The following CCDC171 variants were observed in gnomAD, a reference collection of about 807,000 sequenced individuals.
The protein encoded by CCDC171 is coiled-coil domain containing 171.
In CCDC171, 177 loss-of-function variants were observed where a neutral mutation model predicts 168.2. The ratio of observed to expected loss-of-function variants is 1.05; its 90% CI spans 0.93 to 1.19. The LOEUF (loss-of-function observed/expected upper bound fraction) is 1.19, where lower values mean the gene tolerates loss of function less well. CCDC171 is among the 50% of genes most tolerant of loss of function. The pLI is 0.00. For synonymous variants in CCDC171, 687 were observed against 540.8 expected (o/e 1.27, Z -3.75); for missense variants, 1,991 against 1,539.0 (o/e 1.29, Z -4.91).
At chr9:15,605,027 C>G (rs917977872) in intron 6 of CCDC171, among the ~76,000 whole-genome samples, 3 of 152,092 alleles carry the variant, frequency 2.0e-5, no homozygotes, top group African/African-American at 7.2e-5. Context: ...TCCTTTGTAT[C>G]TGGGACCATA....
intron 25 of CCDC171, among the ~76,000 whole-genome samples, chr9:15,930,750 C>A (rs1826411767): frequency 6.6e-6 from 1 of 151,612 alleles, no homozygotes; most frequent in Non-Finnish European, 1.5e-5. Flanking sequence ...ACACTATATA[C>A]AGAAATTAAC....
intron 18 of CCDC171, among the ~76,000 whole-genome samples, chr9:15,755,348 C>T (rs2056035064): frequency 6.6e-6 from 1 of 152,140 alleles, no homozygotes; most frequent in Non-Finnish European, 1.5e-5. Flanking sequence ...GATACAGATG[C>T]TTTGGAAAAG....
chr9:15,649,779 G>C (rs1445126553), intron 7 of CCDC171, among the ~76,000 whole-genome samples: 1 of 152,196 alleles, frequency 6.6e-6, no homozygotes, highest in African/African-American at 2.4e-5. Context: ...GGAGAAATAG[G>C]AGCATTTTTA....
At chr9:16,048,767 A>G (rs1833702171) in intron 1 of CCDC171, among the ~76,000 whole-genome samples, 1 of 152,116 alleles carries the variant, frequency 6.6e-6, no homozygotes, top group South Asian at 2.1e-4. Flanking sequence ...GGATAATATC[A>G]TAGTAGCATC....
chr9:16,075,181 A>T, the CCDC171 span, among the ~76,000 whole-genome samples: 1 of 152,126 alleles, frequency 6.6e-6, no homozygotes, highest in African/African-American at 2.4e-5. Flanking sequence ...GTTTCCTGTA[A>T]TACTTCCTCT....
At chr9:15,809,570 C>G (rs2059238603) in intron 21 of CCDC171, among the ~76,000 whole-genome samples, 1 of 152,090 alleles carries the variant, frequency 6.6e-6, no homozygotes, top group Non-Finnish European at 1.5e-5. Flanking sequence ...GAGCTGCAGA[C>G]TTTCGCGGTG....
chr9:15,925,413 C>T (rs577351923), intron 25 of CCDC171, among the ~76,000 whole-genome samples: 7 of 151,358 alleles, frequency 4.6e-5, no homozygotes, highest in South Asian at 4.1e-4. Context: ...GTGTGGCTGG[C>T]GGAAGAAAGC....
At position 15,591,424 on chromosome 9, in the gene CCDC171, T is replaced by C. The variant is rs773588638; in HGVS notation, c.411T>C (p.Ser137=). ...TNETEKAFQT[S]QQKWKEECRR... Reference sequence around the variant, plus strand: ...AGACTGAGAAAGCATTTCAGACTTCTCAGCAAAAATGGAAAGAAGAATGCA... The same window carrying C: ...AGACTGAGAAAGCATTTCAGACTTCCCAGCAAAAATGGAAAGAAGAATGCA... The change falls in exon 5 of 26, where the codon TCT becomes TCC. Residue 137 remains serine (S), a synonymous_variant. Coordinates refer to ENST00000380701, the MANE Select transcript of CCDC171 (RefSeq NM_173550.4). 4 of 1,609,308 alleles carry C rather than the reference T, an allele frequency of 2.5e-6. No individual in the cohort carries two copies. The South Asian group carries it at 4.5e-5, about 18-fold the overall frequency.
At chr9:16,040,853 C>G (rs184255690), upstream of CCDC171, among the ~76,000 whole-genome samples, 1 of 152,212 alleles carries the variant, frequency 6.6e-6, no homozygotes, top group East Asian at 1.9e-4. Context: ...TGCATAGTTT[C>G]TGTTGAGACT....
intron 21 of CCDC171, among the ~76,000 whole-genome samples, chr9:15,804,238 G>C (rs1408412507): frequency 3.9e-5 from 6 of 152,008 alleles, no homozygotes; most frequent in Non-Finnish European, 1.5e-5. Flanking sequence ...TGTCTTGCCT[G>C]ATTGCCCTGG....
intron 25 of CCDC171, among the ~76,000 whole-genome samples, chr9:15,963,862 T>C (rs761850761): frequency 1.3e-5 from 2 of 152,176 alleles, no homozygotes; most frequent in Non-Finnish European, 2.9e-5. Flanking sequence ...ACAAGCTACA[T>C]TTCTCAGACC....
rs367557624 is a variant in CCDC171 at position 15,758,221 on chromosome 9, CAG to C, written c.2671+12591_2671+12592del. Among the ~76,000 whole-genome samples, 78 of 152,338 alleles carry C rather than the reference CAG, an allele frequency of 5.1e-4. 1 individual carries two copies. In the East Asian group the frequency reaches 0.01, roughly 20 times the overall value. ...AGGAAGGCTGTACCTTGCAAAGACA[CAG>C]GGGTGGAGCTGCCCAAGACCATGGG... On this transcript the variant is annotated intron_variant, in intron 18 of 25. Transcript: ENST00000380701.
In CCDC171 at chr9:15,605,495, C is replaced by A. The variant is rs12341196; in HGVS notation, c.675+11323C>A. ...GAGATTGAGACCATCCTGGCCAACA[C>A]TGTGAAACCCTGTCTCTACTAAAAA... On this transcript the variant is annotated intron_variant, in intron 6 of 25. Coordinates refer to ENST00000380701, the MANE Select transcript of CCDC171 (RefSeq NM_173550.4). Among the ~76,000 whole-genome samples, 950 of 138,132 alleles carry A rather than the reference C, an allele frequency of 6.9e-3. 9 individuals are homozygous for A. Among genetic ancestry groups the A allele is most frequent in the Admixed American group, 0.016 (202 of 12,968 alleles). 90.6% of individuals were successfully genotyped at this position (138,132 alleles called of 152,430 possible).
chr9:15,624,458 C>T (rs1218643733), intron 7 of CCDC171, among the ~76,000 whole-genome samples: 1 of 151,982 alleles, frequency 6.6e-6, no homozygotes, highest in Admixed American at 6.6e-5. Flanking sequence ...TGCTATCCCT[C>T]CCCACTCCCC....
rs920675338 is a variant in CCDC171, at chr9:15,908,985, C to T, written c.3601-11285C>T. ...CAAACTATATCAACAACCAACTGTG[C>T]ACTTCTTCCATTTGCATTACCTGTT... On this transcript the variant is annotated intron_variant, in intron 24 of 25. Transcript: ENST00000380701. 5.9e-5 allele frequency among the ~76,000 whole-genome samples: 9 copies of T among 152,280 alleles called. No individual in the cohort carries two copies. The South Asian group carries it at 6.2e-4, about 11-fold the overall frequency.
At chr9:16,025,637 A>C (rs1279974758) in intron 6 of CCDC171, among the ~76,000 whole-genome samples, 1 of 152,260 alleles carries the variant, frequency 6.6e-6, no homozygotes, top group Non-Finnish European at 1.5e-5. Context: ...TGAAACATGC[A>C]ATAACATAGA....
At chr9:15,904,407 T>A (rs201439117) in intron 24 of CCDC171, among the ~76,000 whole-genome samples, 7 of 152,062 alleles carry the variant, frequency 4.6e-5, no homozygotes, top group African/African-American at 7.3e-5. Context: ...CCAGAATTTC[T>A]TATCCAGCCA....
chr9:15,767,900 AT>A (rs2056818303), intron 18 of CCDC171, among the ~76,000 whole-genome samples: 1 of 120,458 alleles, frequency 8.3e-6, no homozygotes, highest in Non-Finnish European at 1.6e-5. Flanking sequence ...CATTAAAAAA[AT>A]TTTTTTAATT....
intron 21 of CCDC171, among the ~76,000 whole-genome samples, chr9:15,812,987 G>T (rs2059420863): frequency 6.6e-6 from 1 of 152,208 alleles, no homozygotes; most frequent in Non-Finnish European, 1.5e-5. Context: ...TGGATGCAAT[G>T]ACTAGATGGG....
Sources: gnomAD v4.1 joint callset for allele counts (sites outside exome capture counted in the v4.1 genomes callset) on GRCh38, gnomAD v4.1.1 for gene constraint, MANE v1.5 for transcripts, NCBI Gene and HGNC (gene_info 2026-07-23, HGNC 2026-07-21) for gene names.